PLD5: variants seen among roughly 807,000 people sequenced by gnomAD.
PLD5 encodes phospholipase D family member 5.
Under a neutral mutation model 61.1 loss-of-function variants are expected in PLD5, and 36 were observed. That is an observed-to-expected ratio of 0.59 (90% CI 0.45 to 0.78). The LOEUF (loss-of-function observed/expected upper bound fraction) is 0.78, where lower values mean the gene tolerates loss of function less well. Ranked by LOEUF, PLD5 falls within the 30% of genes least tolerant of loss-of-function variation. The probability of loss-of-function intolerance (pLI) is 0.00; values close to 1 mark genes in which losing one functional copy is unlikely to be tolerated. For missense variants in PLD5, 515 were observed against 644.4 expected (o/e 0.80, Z 2.17); for synonymous variants, 243 against 242.8 (o/e 1.00, Z -0.01).
At chr1:242,188,126 G>C (rs114271204) in intron 5 of PLD5, among the ~76,000 whole-genome samples, 1 of 152,254 alleles carries the variant, frequency 6.6e-6, no homozygotes, top group African/African-American at 2.4e-5. Context: ...AGTGGAAAGA[G>C]GACTAGAATT....
intron 4 of PLD5, among the ~76,000 whole-genome samples, chr1:242,236,737 A>G (rs1386361354): frequency 6.6e-6 from 1 of 152,244 alleles, no homozygotes; most frequent in African/African-American, 2.4e-5. Context: ...ACCTGCTTCT[A>G]AAAATATGGG....
chr1:242,425,443 G>A (rs907938850), intron 1 of PLD5, among the ~76,000 whole-genome samples: 3 of 152,152 alleles, frequency 2.0e-5, no homozygotes, highest in Non-Finnish European at 4.4e-5. Context: ...TGTAGAGGGC[G>A]CATACAATAA....
chr1:242,111,662 C>G (rs1219338374), intron 7 of PLD5, among the ~76,000 whole-genome samples: 1 of 152,050 alleles, frequency 6.6e-6, no homozygotes, highest in Non-Finnish European at 1.5e-5. Context: ...TTTTCTGGGA[C>G]TAGATAAAGA....
chr1:242,252,618 C>A (rs902188505), intron 4 of PLD5, among the ~76,000 whole-genome samples: 2 of 82,490 alleles, frequency 2.4e-5, no homozygotes, highest in Non-Finnish European at 3.3e-5. Flanking sequence ...GATGTGGAGA[C>A]GAGGGCTTCT....
chr1:242,423,193 GA>G (rs1665241374), intron 1 of PLD5, among the ~76,000 whole-genome samples: 2 of 152,148 alleles, frequency 1.3e-5, no homozygotes, highest in South Asian at 4.2e-4. Context: ...AGGTATCTGC[GA>G]AAGGCTAAAA....
chr1:242,480,036 C>A (rs1667721303), intron 1 of PLD5, among the ~76,000 whole-genome samples: 2 of 142,706 alleles, frequency 1.4e-5, no homozygotes, highest in African/African-American at 2.6e-5. Context: ...GGTAACAGAG[C>A]AAGACTCTGT....
chr1:242,158,343 G>A (rs1199731954), intron 5 of PLD5, among the ~76,000 whole-genome samples: 3 of 152,134 alleles, frequency 2.0e-5, no homozygotes, highest in Non-Finnish European at 4.4e-5. Context: ...GGCCTCCCAG[G>A]CACCACTGGG....
chr1:242,337,775 C>T (rs1297150937), intron 2 of PLD5, among the ~76,000 whole-genome samples: 2 of 152,170 alleles, frequency 1.3e-5, no homozygotes, highest in Non-Finnish European at 2.9e-5. Context: ...AGTACGGAGG[C>T]TGAGTTTAGA....
chr1:242,323,996 C>A (rs1658589140), intron 2 of PLD5, among the ~76,000 whole-genome samples: 2 of 151,810 alleles, frequency 1.3e-5, no homozygotes, highest in Admixed American at 6.6e-5. Context: ...TAAGTACATC[C>A]CTGTAGAGTC....
intron 1 of PLD5, among the ~76,000 whole-genome samples, chr1:242,500,963 A>G (rs917890999): frequency 3.9e-5 from 6 of 151,908 alleles, no homozygotes; most frequent in Non-Finnish European, 7.3e-5. Flanking sequence ...AGTATCATTT[A>G]ACGTTTTTCT....
intron 5 of PLD5, among the ~76,000 whole-genome samples, chr1:242,170,332 CAG>C (rs1666657060): frequency 6.6e-6 from 1 of 152,208 alleles, no homozygotes; most frequent in Non-Finnish European, 1.5e-5. Context: ...AGCAGACCCA[CAG>C]CAGAGGGGCC....
intron 1 of PLD5, among the ~76,000 whole-genome samples, chr1:242,375,488 T>C (rs141791232): frequency 1.9e-3 from 287 of 152,324 alleles, no homozygotes; most frequent in East Asian, 7.9e-3. Context: ...GAAATGTGTT[T>C]CATGCAGTTA....
At chr1:242,229,682 G>C (rs1401131037) in intron 4 of PLD5, among the ~76,000 whole-genome samples, 3 of 151,962 alleles carry the variant, frequency 2.0e-5, no homozygotes, top group African/African-American at 7.3e-5. Flanking sequence ...TTTGTTTGCT[G>C]CGAGTGAAGA....
intron 1 of PLD5, among the ~76,000 whole-genome samples, chr1:242,495,738 A>T (rs992334081): frequency 3.9e-5 from 6 of 152,346 alleles, no homozygotes; most frequent in Non-Finnish European, 7.4e-5. Flanking sequence ...GTTAAAAATC[A>T]ATACCACCTC....
Position 242,452,457 on chromosome 1 carries a change from G to A in PLD5, c.189+71631C>T, listed in dbSNP as rs530278845. ...CAAGAAAGTTAGGAAGTTCTGGAGA[G>A]TGAGAAGCAGGAAAAAACTTGGACT... is the stretch of plus-strand genomic sequence containing the variant. On this transcript the variant is annotated intron_variant, in intron 1 of 9. Transcript: ENST00000536534. 2.6e-5 allele frequency among the ~76,000 whole-genome samples: 4 copies of A among 152,282 alleles called. No individual in the cohort carries two copies. In the East Asian group the frequency reaches 5.8e-4, roughly 22 times the overall value.
intron 1 of PLD5, among the ~76,000 whole-genome samples, chr1:242,396,540 C>A (rs893915694): frequency 5.3e-5 from 8 of 152,092 alleles, no homozygotes; most frequent in Admixed American, 1.3e-4. Flanking sequence ...AGGTTATGAA[C>A]AACCTCTGTG....
chr1:242,338,873 T>C (rs894449004), intron 2 of PLD5, among the ~76,000 whole-genome samples: 4 of 152,310 alleles, frequency 2.6e-5, no homozygotes, highest in Non-Finnish European at 4.4e-5. Context: ...TAAATGTGTT[T>C]GGAGACTTCT....
Position 242,274,526 on chromosome 1 carries a change from G to A in PLD5, c.496-9078C>T, listed in dbSNP as rs558578132. Among the ~76,000 whole-genome samples, 577 of 152,278 alleles carry A rather than the reference G, an allele frequency of 3.8e-3. 2 individuals carry two copies. The highest frequency in any genetic ancestry group is 0.01 in the Middle Eastern group (3 of 294). ...TCCCAGCATTTTGGGAGGCCGAGGC[G>A]GGTGGATCACAAGGTCAGGAGATCG... On this transcript the variant is annotated intron_variant, in intron 3 of 9. Coordinates refer to ENST00000536534, the MANE Select transcript of PLD5 (RefSeq NM_001372062.1).
At chr1:242,429,654 A>T (rs528384306) in intron 1 of PLD5, among the ~76,000 whole-genome samples, 2 of 152,290 alleles carry the variant, frequency 1.3e-5, no homozygotes. Context: ...TACCATTTTT[A>T]CTTCTTATCA....
Sources: gnomAD v4.1 joint callset for allele counts (sites outside exome capture counted in the v4.1 genomes callset) on GRCh38, gnomAD v4.1.1 for gene constraint, MANE v1.5 for transcripts, NCBI Gene and HGNC (gene_info 2026-07-23, HGNC 2026-07-21) for gene names.